Variants in ZNF804B observed in about 807,000 individuals in gnomAD.
The protein encoded by ZNF804B is zinc finger 804B.
Under a neutral mutation model 101.4 loss-of-function variants are expected in ZNF804B, and 80 were observed. The ratio of observed to expected loss-of-function variants is 0.79; its 90% CI spans 0.66 to 0.95. The LOEUF is 0.95. Ranked by LOEUF, ZNF804B falls within the 40% of genes least tolerant of loss-of-function variation. The probability of loss-of-function intolerance (pLI) is 0.00; values close to 1 mark genes in which losing one functional copy is unlikely to be tolerated. For synonymous variants in ZNF804B, 622 were observed against 558.8 expected (o/e 1.11, Z -1.59); for missense variants, 1,673 against 1,561.9 (o/e 1.07, Z -1.20).
intron 1 of ZNF804B, among the ~76,000 whole-genome samples, chr7:89,141,062 A>G (rs1562895331): frequency 6.6e-6 from 1 of 151,968 alleles, no homozygotes; most frequent in Non-Finnish European, 1.5e-5. Context: ...AGGAGGGCCA[A>G]AGGAGAGGAG....
chr7:89,271,046 A>T (rs1042012311), intron 2 of ZNF804B, among the ~76,000 whole-genome samples: 2 of 152,110 alleles, frequency 1.3e-5, no homozygotes, highest in Non-Finnish European at 2.9e-5. Context: ...TTCCTAATTG[A>T]ATACCCTTTA....
intron 2 of ZNF804B, among the ~76,000 whole-genome samples, chr7:89,219,513 A>G (rs1470994032): frequency 2.0e-5 from 3 of 151,806 alleles, no homozygotes; most frequent in Non-Finnish European, 2.9e-5. Flanking sequence ...TATACTACAT[A>G]TGGCTGCCTA....
chr7:89,141,906 T>C (rs1163021352), intron 1 of ZNF804B, among the ~76,000 whole-genome samples: 2 of 150,972 alleles, frequency 1.3e-5, no homozygotes, highest in East Asian at 1.9e-4. Flanking sequence ...ATAATAATAA[T>C]AATAATAACT....
chr7:89,105,171 G>A (rs1483746690), intron 1 of ZNF804B, among the ~76,000 whole-genome samples: 1 of 152,046 alleles, frequency 6.6e-6, no homozygotes, highest in Non-Finnish European at 1.5e-5. Context: ...CTGCCCTTCA[G>A]GGGTTGTCTC....
At chr7:89,222,610 A>T (rs1393725632) in intron 2 of ZNF804B, among the ~76,000 whole-genome samples, 1 of 151,914 alleles carries the variant, frequency 6.6e-6, no homozygotes, top group Non-Finnish European at 1.5e-5. Flanking sequence ...CAGTTTCTTC[A>T]AACATGTCTT....
chr7:88,901,959 G>A (rs1269128139), intron 1 of ZNF804B, among the ~76,000 whole-genome samples: 4 of 151,898 alleles, frequency 2.6e-5, no homozygotes, highest in East Asian at 3.9e-4. Flanking sequence ...TCTAGAGGAA[G>A]CCTCTTATAA....
intron 2 of ZNF804B, among the ~76,000 whole-genome samples, chr7:89,277,710 T>C (rs968659274): frequency 1.4e-4 from 22 of 151,792 alleles, no homozygotes; most frequent in African/African-American, 5.1e-4. Context: ...TAGTATTCCA[T>C]GGTGTATATG....
At chr7:88,896,294 A>G (rs1016829393) in intron 1 of ZNF804B, among the ~76,000 whole-genome samples, 3 of 152,240 alleles carry the variant, frequency 2.0e-5, no homozygotes, top group Non-Finnish European at 4.4e-5. Context: ...ATAAGATGCC[A>G]GTAATATGGA....
intron 1 of ZNF804B, among the ~76,000 whole-genome samples, chr7:88,995,625 T>G (rs559527933): frequency 6.6e-6 from 1 of 150,430 alleles, no homozygotes; most frequent in Non-Finnish European, 1.5e-5. Context: ...TTATGACTTA[T>G]GTTATAGAAC....
chr7:89,158,379 C>T (rs1209477059), intron 1 of ZNF804B, among the ~76,000 whole-genome samples: 1 of 152,124 alleles, frequency 6.6e-6, no homozygotes, highest in Non-Finnish European at 1.5e-5. Context: ...CCTCCCTTAG[C>T]CCTCCACACC....
chr7:88,851,304 G>A (rs2115828742), intron 1 of ZNF804B, among the ~76,000 whole-genome samples: 1 of 151,892 alleles, frequency 6.6e-6, no homozygotes, highest in East Asian at 1.9e-4. Context: ...ACAAACATAA[G>A]AAACATAAAA....
chr7:89,329,604 A>G (rs1424892749), intron 3 of ZNF804B, among the ~76,000 whole-genome samples: 3 of 151,752 alleles, frequency 2.0e-5, no homozygotes, highest in African/African-American at 7.2e-5. Context: ...CAGATCTTAT[A>G]AAGGGTCATC....
intron 1 of ZNF804B, among the ~76,000 whole-genome samples, chr7:88,996,364 T>G (rs976485013): frequency 6.6e-6 from 1 of 152,134 alleles, no homozygotes; most frequent in Non-Finnish European, 1.5e-5. Flanking sequence ...GTTGCATTAA[T>G]TTCTACCCAA....
intron 1 of ZNF804B, 27 bp from the exon 2 acceptor site, chr7:89,218,128 C>G: frequency 6.3e-7 from 1 of 1,592,834 alleles, no homozygotes; most frequent in Non-Finnish European, 8.5e-7. Context: ...AGAAGTCTAA[C>G]CAACATTTAT....
chr7:88,770,005 G>A (rs940229121), intron 1 of ZNF804B, among the ~76,000 whole-genome samples: 2 of 152,106 alleles, frequency 1.3e-5, no homozygotes, highest in African/African-American at 4.8e-5. Flanking sequence ...TATTTTTATG[G>A]TCAGTTTCTT....
chr7:88,881,433 G>T (rs1792028112), intron 1 of ZNF804B, among the ~76,000 whole-genome samples: 1 of 152,014 alleles, frequency 6.6e-6, no homozygotes, highest in South Asian at 2.1e-4. Flanking sequence ...TTTAAATTTA[G>T]CCCAATTCTT....
At chr7:88,960,676 A>T (rs1584040275) in intron 1 of ZNF804B, among the ~76,000 whole-genome samples, 1 of 151,290 alleles carries the variant, frequency 6.6e-6, no homozygotes, top group Admixed American at 6.6e-5. Flanking sequence ...AGTTTCTTCT[A>T]TTTATTTCCA....
chr7:89,025,744 C>T (rs1453233252), intron 1 of ZNF804B, among the ~76,000 whole-genome samples: 1 of 152,044 alleles, frequency 6.6e-6, no homozygotes, highest in Non-Finnish European at 1.5e-5. Context: ...TATTTGAATC[C>T]ATCATACTAT....
chr7:89,309,759 C>CAAAAAAAAAAAA (rs397791531), intron 2 of ZNF804B, among the ~76,000 whole-genome samples: 21 of 70,790 alleles, frequency 3.0e-4, no homozygotes, highest in African/African-American at 7.7e-4. Flanking sequence ...GACCCTGTCT[C>CAAAAAAAAAAAA]AAAAAAAAAA....
Sources: gnomAD v4.1 joint callset for allele counts (sites outside exome capture counted in the v4.1 genomes callset) on GRCh38, gnomAD v4.1.1 for gene constraint, MANE v1.5 for transcripts, NCBI Gene and HGNC (gene_info 2026-07-23, HGNC 2026-07-21) for gene names.